Variants in TENM2 observed in about 807,000 individuals in gnomAD.
The protein encoded by TENM2 is teneurin transmembrane protein 2.
In TENM2, 52 loss-of-function variants were observed where a neutral mutation model predicts 245.2. That is an observed-to-expected ratio of 0.21 (90% CI 0.17 to 0.27). TENM2 has a LOEUF of 0.27. TENM2 is among the 10% of genes least tolerant of loss of function. TENM2 has a pLI of 1.00. For synonymous variants in TENM2, 1,363 were observed against 1,438.9 expected (o/e 0.95, Z 1.19); for missense variants, 3,046 against 3,666.8 (o/e 0.83, Z 4.37).
At chr5:168,246,947 A>G in exon 27 of TENM2, 1 of 1,614,002 alleles carries the variant, frequency 6.2e-7, no homozygotes. Flanking sequence ...TACAGTGATG[A>G]CGGCCGCATC....
intron 8 of TENM2, among the ~76,000 whole-genome samples, chr5:168,095,709 A>C (rs1031175760): frequency 6.6e-6 from 1 of 152,164 alleles, no homozygotes; most frequent in African/African-American, 2.4e-5. Context: ...TGCATATAAT[A>C]AGTGCTCAGT....
chr5:167,980,196 C>G (rs1209651500), intron 4 of TENM2, among the ~76,000 whole-genome samples: 1 of 152,036 alleles, frequency 6.6e-6, no homozygotes, highest in Non-Finnish European at 1.5e-5. Context: ...AGATAGCTGC[C>G]CAAGGTGATG....
At chr5:167,157,659 A>G in the TENM2 span, among the ~76,000 whole-genome samples, 2 of 152,222 alleles carry the variant, frequency 1.3e-5, no homozygotes, top group African/African-American at 2.4e-5. Context: ...ATTTATTGCC[A>G]TATTAAAGCC....
At chr5:167,156,084 C>T in the TENM2 span, among the ~76,000 whole-genome samples, 1 of 152,146 alleles carries the variant, frequency 6.6e-6, no homozygotes, top group East Asian at 1.9e-4. Flanking sequence ...ATAAAAATAA[C>T]AAGTGCCTTT....
At chr5:167,660,212 C>G (rs1311311355) in intron 2 of TENM2, 1 of 152,348 alleles carries the variant, frequency 6.6e-6, no homozygotes, top group African/African-American at 2.4e-5. Context: ...CCTGTAATCT[C>G]AGCACTTTGG....
At chr5:167,215,176 C>T in the TENM2 span, among the ~76,000 whole-genome samples, 2 of 152,150 alleles carry the variant, frequency 1.3e-5, no homozygotes, top group Admixed American at 1.3e-4. Flanking sequence ...CGAGCTTGCT[C>T]CCTCTGAACT....
At chr5:167,357,751 A>T (rs1285341822) in intron 1 of TENM2, among the ~76,000 whole-genome samples, 4 of 152,214 alleles carry the variant, frequency 2.6e-5, no homozygotes, top group African/African-American at 9.6e-5. Flanking sequence ...ATTAAATTTC[A>T]AGTAGTCCTT....
intron 5 of TENM2, among the ~76,000 whole-genome samples, chr5:168,001,390 G>A (rs747231560): frequency 4.6e-5 from 7 of 152,232 alleles, no homozygotes; most frequent in Non-Finnish European, 8.8e-5. Context: ...TTACAAAAGT[G>A]TAGCAGAATT....
At chr5:167,605,541 A>T (rs1776972466) in intron 2 of TENM2, among the ~76,000 whole-genome samples, 1 of 150,740 alleles carries the variant, frequency 6.6e-6, no homozygotes, top group Non-Finnish European at 1.5e-5. Context: ...GCTGCTGAGC[A>T]TAGTTAGGCC....
At chr5:167,549,137 G>A (rs1772765040) in intron 2 of TENM2, among the ~76,000 whole-genome samples, 1 of 152,138 alleles carries the variant, frequency 6.6e-6, no homozygotes, top group South Asian at 2.1e-4. Context: ...AATCGTAGCA[G>A]AGCAATCTTA....
At chr5:167,445,162 CA>C (rs1312293079) in intron 2 of TENM2, among the ~76,000 whole-genome samples, 3 of 151,914 alleles carry the variant, frequency 2.0e-5, no homozygotes, top group Non-Finnish European at 4.4e-5. Context: ...GATATCCCTA[CA>C]TTTCCCCATT....
rs543337437 is a variant in TENM2, at chr5:167,591,025, T to C, written c.502+215552T>C. ...CACAAAGTACAATGCTGATCTAATA[T>C]GGTTGGTCTTTATACATTTATGTCA... On this transcript the variant is annotated intron_variant, in intron 2 of 28. Transcript: ENST00000518659. 5.9e-4 allele frequency among the ~76,000 whole-genome samples: 90 copies of C among 152,300 alleles called. 1 individual carries two copies. Among genetic ancestry groups the C allele is most frequent in the African/African-American group, 2.0e-3 (82 of 41,570 alleles).
chr5:167,000,853 C>T, the TENM2 span, among the ~76,000 whole-genome samples: 2 of 152,100 alleles, frequency 1.3e-5, no homozygotes, highest in East Asian at 1.9e-4. Context: ...TAAAACGTTT[C>T]GTAATTTACT....
Position 167,430,147 on chromosome 5 carries a change from G to A in TENM2, c.502+54674G>A, listed in dbSNP as rs920673611. ...TATTTTAAGTGGCAGAGAAACCAAC[G>A]GAGAGGTTTGTCTGGAAGGGAATAA... On this transcript the variant is annotated intron_variant, in intron 2 of 28. Coordinates refer to ENST00000518659, the Ensembl canonical transcript of TENM2. Among the ~76,000 whole-genome samples, 5 of 152,004 alleles carry A rather than the reference G, an allele frequency of 3.3e-5. 1 individual carries two copies. The highest frequency in any genetic ancestry group is 4.2e-4 in the South Asian group (2 of 4,818).
At position 168,116,884 on chromosome 5, in the gene TENM2, G is replaced by A. The variant is rs574410195; in HGVS notation, c.1814-1408G>A. ...GTGTACACACACATGCAGAATTCTCGGAACCTGTGCATTCCAAACCATGGA... is the reference window on the plus strand; with the variant it reads ...GTGTACACACACATGCAGAATTCTCAGAACCTGTGCATTCCAAACCATGGA... On this transcript the variant is annotated intron_variant, in intron 9 of 28. Transcript: ENST00000518659. Among the ~76,000 whole-genome samples, 37 of 152,202 alleles carry A rather than the reference G, an allele frequency of 2.4e-4. 1 individual carries two copies. Among genetic ancestry groups the A allele is most frequent in the Middle Eastern group, 3.4e-3 (1 of 294 alleles).
At chr5:167,178,612 G>A in the TENM2 span, among the ~76,000 whole-genome samples, 2 of 152,104 alleles carry the variant, frequency 1.3e-5, no homozygotes, top group East Asian at 1.9e-4. Context: ...AGCCTGTGGC[G>A]AGTACAACCT....
chr5:167,369,995 G>A (rs1399216135), intron 1 of TENM2, among the ~76,000 whole-genome samples: 6 of 152,090 alleles, frequency 3.9e-5, no homozygotes, highest in African/African-American at 1.4e-4. Context: ...ATCCCAAATA[G>A]AATTAGTGGG....
At chr5:167,280,573 C>T (rs904562166), upstream of TENM2, among the ~76,000 whole-genome samples, 11 of 151,988 alleles carry the variant, frequency 7.2e-5, no homozygotes, top group Non-Finnish European at 1.3e-4. Flanking sequence ...CAGTTGGTTT[C>T]CATGGTGTGT....
intron 2 of TENM2, among the ~76,000 whole-genome samples, chr5:167,492,454 G>C (rs751959518): frequency 2.6e-5 from 4 of 152,052 alleles, no homozygotes; most frequent in African/African-American, 9.7e-5. Flanking sequence ...GACTTTCCAC[G>C]AAGAATCAAT....
Sources: allele counts gnomAD v4.1 joint callset (sites outside exome capture counted in the v4.1 genomes callset), GRCh38; gene constraint gnomAD v4.1.1; transcripts MANE v1.5; gene names NCBI Gene and HGNC (gene_info 2026-07-23, HGNC 2026-07-21).